LMF1: variants seen among roughly 807,000 people sequenced by gnomAD.
The protein encoded by LMF1 is lipase maturation factor 1, also known as transmembrane protein 112.
Under a neutral mutation model 60.6 loss-of-function variants are expected in LMF1, and 68 were observed. The ratio of observed to expected loss-of-function variants is 1.12; its 90% CI spans 0.92 to 1.37. LMF1 has a LOEUF of 1.37. LMF1 is among the 40% of genes most tolerant of loss of function. The pLI is 0.00. For synonymous variants in LMF1, 418 were observed against 324.7 expected, an observed-to-expected ratio of 1.29 and a Z score of -3.09; for missense variants, 948 against 767.2, an observed-to-expected ratio of 1.24 and a Z score of -2.78.
At chr16:947,675 G>A (rs1464902080) in intron 2 of LMF1, 2 of 442,202 alleles carry the variant, frequency 4.5e-6, no homozygotes, top group Non-Finnish European at 9.1e-6. Context: ...CAGTGGGGAA[G>A]GGATGGCGGT....
chr16:967,323 CACA>C (rs2151493314), intron 1 of LMF1, among the ~76,000 whole-genome samples: 1 of 152,350 alleles, frequency 6.6e-6, no homozygotes, highest in Non-Finnish European at 1.5e-5. Flanking sequence ...AACGCCGGGC[CACA>C]ACGTCGACGC....
At chr16:939,613 G>A (rs17146052) in intron 2 of LMF1, among the ~76,000 whole-genome samples, 38,760 of 152,202 alleles carry the variant, frequency 0.25, 5,940 homozygotes, top group African/African-American at 0.41. Context: ...TGTCTGCGGC[G>A]ACCCGGCCCA....
chr16:949,423 A>T (rs1215057295), intron 2 of LMF1, among the ~76,000 whole-genome samples: 1 of 151,274 alleles, frequency 6.6e-6, no homozygotes, highest in Non-Finnish European at 1.5e-5. Context: ...ACAGTCAGCC[A>T]ACGACAGAGT....
At chr16:920,080 C>G (rs1008255866) in intron 3 of LMF1, among the ~76,000 whole-genome samples, 5 of 152,176 alleles carry the variant, frequency 3.3e-5, no homozygotes, top group African/African-American at 9.7e-5. Flanking sequence ...CACAATGGCC[C>G]CAGCCTGTCG....
chr16:959,709 T>C (rs112090782), intron 1 of LMF1, among the ~76,000 whole-genome samples: 9,632 of 152,278 alleles, frequency 0.063, 372 homozygotes, highest in Non-Finnish European at 0.089. Flanking sequence ...CTCCAGGGCT[T>C]TCCCCCCCGG....
upstream of LMF1, chr16:971,024 G>C: frequency 2.2e-6 from 3 of 1,361,150 alleles, no homozygotes; most frequent in Non-Finnish European, 2.9e-6. Flanking sequence ...CATTCTCGGA[G>C]GCCCCGCCCA....
At chr16:974,933 G>A (rs1282674697), upstream of LMF1, among the ~76,000 whole-genome samples, 2 of 152,234 alleles carry the variant, frequency 1.3e-5, no homozygotes, top group Non-Finnish European at 2.9e-5. Flanking sequence ...GGGGGCCCAG[G>A]ACCCGTGGAT....
At chr16:936,571 G>A (rs370644001) in intron 2 of LMF1, among the ~76,000 whole-genome samples, 4 of 142,546 alleles carry the variant, frequency 2.8e-5, no homozygotes, top group South Asian at 4.6e-4. Flanking sequence ...TGGCTGGGAG[G>A]GAGAGAGGGC....
At chr16:946,483 C>G (rs932507812) in intron 2 of LMF1, among the ~76,000 whole-genome samples, 1 of 152,232 alleles carries the variant, frequency 6.6e-6, no homozygotes, top group African/African-American at 2.4e-5. Flanking sequence ...GCCTCCTATC[C>G]AGGGCAGGGT....
intron 2 of LMF1, among the ~76,000 whole-genome samples, chr16:949,144 C>A (rs1272718205): frequency 6.7e-6 from 1 of 148,742 alleles, no homozygotes. Flanking sequence ...GAGTTAGAGA[C>A]AATGACAGAG....
intron 2 of LMF1, among the ~76,000 whole-genome samples, chr16:948,396 A>G (rs1349009298): frequency 6.6e-6 from 1 of 150,586 alleles, no homozygotes; most frequent in Admixed American, 6.6e-5. Context: ...CGTCAGAGTC[A>G]GCCAACGACA....
chr16:881,787 G>C (rs1567176332), intron 5 of LMF1, among the ~76,000 whole-genome samples: 1 of 152,224 alleles, frequency 6.6e-6, no homozygotes, highest in Non-Finnish European at 1.5e-5. Flanking sequence ...TTGGGAACAA[G>C]CATCTCCAGG....
At chr16:939,722 G>T (rs1159660413) in intron 2 of LMF1, among the ~76,000 whole-genome samples, 1 of 152,226 alleles carries the variant, frequency 6.6e-6, no homozygotes, top group African/African-American at 2.4e-5. Context: ...GTGATTTGAC[G>T]GGAAGTAAAA....
intron 4 of LMF1, chr16:905,122 G>A (rs540087103): frequency 7.4e-4 from 127 of 171,052 alleles, no homozygotes; most frequent in Admixed American, 1.3e-3. Context: ...GCTGCGTGGT[G>A]GTGACCTCTG....
intron 3 of LMF1, among the ~76,000 whole-genome samples, chr16:916,709 G>C (rs1481257546): frequency 1.3e-5 from 2 of 152,226 alleles, no homozygotes; most frequent in Non-Finnish European, 2.9e-5. Flanking sequence ...CTGGCCACGG[G>C]GAAAACATCT....
chr16:900,732 T>TGTTTG (rs2070790147), intron 4 of LMF1: 1 of 146,942 alleles, frequency 6.8e-6, no homozygotes, highest in African/African-American at 2.6e-5. Flanking sequence ...TGTGTGTGTG[T>TGTTTG]TTTAGTACAG....
At chr16:876,991 G>GA (rs1284506028) in intron 6 of LMF1, among the ~76,000 whole-genome samples, 2 of 152,234 alleles carry the variant, frequency 1.3e-5, no homozygotes, top group Non-Finnish European at 2.9e-5. Context: ...CGGCCACGCT[G>GA]ACCCTAAGCA....
intron 3 of LMF1, among the ~76,000 whole-genome samples, chr16:913,330 C>A (rs541071096): frequency 6.6e-6 from 1 of 152,248 alleles, no homozygotes; most frequent in Non-Finnish European, 1.5e-5. Flanking sequence ...GGAACATTCA[C>A]TTCCACGGCC....
chr16:908,723 C>T (rs141084040), intron 4 of LMF1, among the ~76,000 whole-genome samples: 250 of 152,346 alleles, frequency 1.6e-3, no homozygotes, highest in Non-Finnish European at 2.8e-3. Context: ...GGAGCCAGCC[C>T]GCAGGGTTCA....
Sources: allele counts gnomAD v4.1 joint callset (sites outside exome capture counted in the v4.1 genomes callset), GRCh38; gene constraint gnomAD v4.1.1; transcripts MANE v1.5; gene names NCBI Gene and HGNC (gene_info 2026-07-23, HGNC 2026-07-21).